LUC7L3: variants seen among roughly 807,000 people sequenced by gnomAD.
The protein encoded by LUC7L3 is luc7-like protein 3.
A neutral mutation model predicts 66.8 loss-of-function variants in LUC7L3; 6 were observed. The observed-to-expected ratio is 0.09, with a 90% CI of 0.05 to 0.18. The LOEUF is 0.18. Ranked by LOEUF, LUC7L3 falls within the 10% of genes least tolerant of loss-of-function variation. LUC7L3 has a pLI of 1.00. For synonymous variants in LUC7L3, 160 were observed against 174.7 expected (o/e 0.92, Z 0.66); for missense variants, 341 against 531.1 (o/e 0.64, Z 3.52).
At chr17:50,726,087 G>T (rs1022264733) in intron 1 of LUC7L3, among the ~76,000 whole-genome samples, 2 of 152,168 alleles carry the variant, frequency 1.3e-5, no homozygotes, top group Non-Finnish European at 2.9e-5. Flanking sequence ...AAAGTAAATT[G>T]CATATCACAG....
intron 7 of LUC7L3, among the ~76,000 whole-genome samples, chr17:50,745,237 C>T (rs1970594202): frequency 1.3e-5 from 2 of 152,112 alleles, no homozygotes; most frequent in South Asian, 4.1e-4. Context: ...GGTGATCCGT[C>T]CTCCTCAGCC....
intron 1 of LUC7L3, chr17:50,724,087 C>G (rs1968989641): frequency 2.8e-6 from 1 of 356,696 alleles, no homozygotes; most frequent in Non-Finnish European, 5.7e-6. Flanking sequence ...TTGAACTCCC[C>G]ATGTACCCAT....
chr17:50,743,467 A>G (rs1183070431), intron 5 of LUC7L3, among the ~76,000 whole-genome samples: 3 of 152,094 alleles, frequency 2.0e-5, no homozygotes, highest in Non-Finnish European at 2.9e-5. Flanking sequence ...TGGCCTCCCA[A>G]AGTGCTTGGA....
chr17:50,744,906 G>C (rs1970571170), intron 7 of LUC7L3, 93 bp downstream of exon 7: 1 of 1,027,612 alleles, frequency 9.7e-7, no homozygotes, highest in Non-Finnish European at 1.4e-6. Context: ...CCACCTCCCA[G>C]GTTTAAGCAA....
At chr17:50,742,308 G>T (rs1567872869) in intron 5 of LUC7L3, among the ~76,000 whole-genome samples, 1 of 152,150 alleles carries the variant, frequency 6.6e-6, no homozygotes, top group Non-Finnish European at 1.5e-5. Context: ...GGAAAAAATA[G>T]TCTCATTTTT....
intron 1 of LUC7L3, chr17:50,723,881 C>T (rs560077388): frequency 1.1e-4 from 48 of 433,370 alleles, no homozygotes; most frequent in African/African-American, 8.9e-4. Flanking sequence ...GTGATCGGTC[C>T]GCCTCAGTCT....
At chr17:50,721,204 C>T (rs141276090) in intron 1 of LUC7L3, among the ~76,000 whole-genome samples, 357 of 152,066 alleles carry the variant, frequency 2.3e-3, no homozygotes, top group African/African-American at 7.6e-3. Flanking sequence ...AACATTATGG[C>T]GATTTGGCTT....
chr17:50,737,045 T>A lies in LUC7L3; in HGVS notation c.166+19T>A, dbSNP rs1255221512. ...GATCTTGGTAAGTGAATTTTCTGTG[T>A]AACTTTTATCAAATTTATGATATTT... On this transcript the variant is annotated intron_variant, in intron 2 of 9. Transcript: ENST00000505658. The A allele has an allele frequency of 6.4e-7, 1 of 1,572,528 alleles. No individual in the cohort carries two copies. The highest frequency in any genetic ancestry group is 1.4e-5 in the African/African-American group (1 of 73,836).
Position 50,753,714 on chromosome 17 carries a change from TAA to T in LUC7L3, c.*3055_*3056del, listed in dbSNP as rs1327917650. The stretch of plus-strand genomic sequence containing the variant: ...ATTGTGGTTGTAGCAGCAAAGGACT[TAA>T]AGTGATAGTTTTTAAACCATATTCT... On this transcript the variant is annotated 3_prime_UTR_variant, in exon 10 of 10. Coordinates refer to ENST00000505658, the MANE Select transcript of LUC7L3 (RefSeq NM_016424.5). 2 of 152,168 alleles carry T rather than the reference TAA, an allele frequency of 1.3e-5. No individual in the cohort carries two copies. Among genetic ancestry groups the T allele is most frequent in the Non-Finnish European group, 2.9e-5 (2 of 68,020 alleles). 9.4% of individuals were successfully genotyped at this position (152,168 alleles called of 1,614,324 possible).
intron 1 of LUC7L3, among the ~76,000 whole-genome samples, chr17:50,731,112 G>A (rs74905651): frequency 6.6e-6 from 1 of 152,148 alleles, no homozygotes; most frequent in African/African-American, 2.4e-5. Flanking sequence ...GAAGACTGCT[G>A]GTATTCCAAA....
intron 1 of LUC7L3, among the ~76,000 whole-genome samples, chr17:50,735,445 CT>C (rs1305528780): frequency 6.6e-6 from 1 of 152,030 alleles, no homozygotes; most frequent in Non-Finnish European, 1.5e-5. Flanking sequence ...TTAACACTGC[CT>C]TTTTTTCATT....
intron 7 of LUC7L3, among the ~76,000 whole-genome samples, chr17:50,745,488 A>G (rs1292058070): frequency 2.0e-5 from 3 of 152,208 alleles, no homozygotes; most frequent in Non-Finnish European, 2.9e-5. Context: ...TTATTGAACT[A>G]TGAAAGCACT....
At chr17:50,747,925 A>G (rs1429799761) in intron 9 of LUC7L3, among the ~76,000 whole-genome samples, 3 of 152,178 alleles carry the variant, frequency 2.0e-5, no homozygotes, top group African/African-American at 4.8e-5. Context: ...CTGATTTAAC[A>G]TTAGATTTAA....
rs921206258 is a variant in LUC7L3, at chr17:50,751,779, C to T, written c.*1118C>T. The T allele has an allele frequency of 1.3e-4, 134 of 1,017,832 alleles. No homozygotes were observed. The highest frequency in any genetic ancestry group is 1.5e-4 in the Non-Finnish European group (129 of 848,950). 63.1% of individuals were successfully genotyped at this position (1,017,832 alleles called of 1,614,324 possible). ...CAGTGTGAATAGCAAGGACAGACAC[C>T]TTCAATTTGTGAAATCAAAGAACTG... On this transcript the variant is annotated 3_prime_UTR_variant, in exon 10 of 10. Transcript: ENST00000505658.
chr17:50,744,903 C>A (rs866351789), intron 7 of LUC7L3, 90 bp downstream of exon 7: 1 of 1,089,196 alleles, frequency 9.2e-7, no homozygotes, highest in South Asian at 1.6e-5. Context: ...CCTCCACCTC[C>A]CAGGTTTAAG....
In LUC7L3 at chr17:50,755,599, T is replaced by C. The variant is rs1034439674; in HGVS notation, c.*4938T>C. On this transcript the variant is annotated 3_prime_UTR_variant, in exon 10 of 10. Transcript: ENST00000505658. ...ATTTCTTCCCCTCAGCCATCCCAAA[T>C]AGGTCATTTGTCAACAGATTTAAGA... 2 of 152,202 alleles carry C rather than the reference T, an allele frequency of 1.3e-5. No individual in the cohort carries two copies. The highest frequency in any genetic ancestry group is 2.4e-5 in the African/African-American group (1 of 41,452). The allele number at this position is 152,202 out of a possible 1,614,324, so 9.4% of individuals were successfully genotyped here.
downstream of LUC7L3, chr17:50,756,219 A>AT (rs1971110170): frequency 6.6e-6 from 1 of 152,074 alleles, no homozygotes; most frequent in Non-Finnish European, 1.5e-5. Context: ...ATGGGAAAAA[A>AT]GTCTTGGTGT....
chr17:50,719,829 A>G lies in LUC7L3; in HGVS notation c.97A>G (p.Ser33Gly). The G allele has an allele frequency of 6.3e-7, 1 of 1,576,920 alleles. No homozygotes were observed. The highest frequency in any genetic ancestry group is 1.1e-5 in the South Asian group (1 of 88,938). Residue 33 changes from serine to glycine, a missense_variant and splice_region_variant, in exon 1 of 10, where the codon AGC becomes GGC. By Grantham distance (56) the Ser-to-Gly change is moderately conservative (BLOSUM62 0). Transcript: ENST00000505658. ...CAGCAACGTGCGGTGGGACCACGAG[A>G]GCGTAAGTCCCGCGGGCCTTGGCCT... ...KRSNVRWDHESVCKYYLCGFC... is the reference protein window; with the variant it reads ...KRSNVRWDHEGVCKYYLCGFC...
intron 1 of LUC7L3, chr17:50,723,977 C>T (rs1968981915): frequency 4.4e-6 from 2 of 455,872 alleles, no homozygotes; most frequent in African/African-American, 2.0e-5. Flanking sequence ...TAAGTGTTGG[C>T]TTCTCAGAAT....
Sources: gnomAD v4.1 joint callset for allele counts (sites outside exome capture counted in the v4.1 genomes callset) on GRCh38, gnomAD v4.1.1 for gene constraint, MANE v1.5 for transcripts, NCBI Gene and HGNC (gene_info 2026-07-23, HGNC 2026-07-21) for gene names.